RBM47: variants seen among roughly 807,000 people sequenced by gnomAD.
RBM47 encodes the protein RNA binding motif protein 47.
In RBM47, 21 loss-of-function variants were observed where a neutral mutation model predicts 47.1. The ratio of observed to expected loss-of-function variants is 0.45; its 90% confidence interval spans 0.32 to 0.64. The LOEUF (loss-of-function observed/expected upper bound fraction) is 0.64. RBM47 is among the 30% of genes least tolerant of loss of function. The pLI is 0.05. For missense variants in RBM47, 708 were observed against 870.9 expected, an observed-to-expected ratio of 0.81 and a Z score of 2.35; for synonymous variants, 375 against 361.7, an observed-to-expected ratio of 1.04 and a Z score of -0.42.
chr4:40,464,320 T>C (rs1717628193), intron 3 of RBM47, among the ~76,000 whole-genome samples: 1 of 152,314 alleles, frequency 6.6e-6, no homozygotes, highest in Non-Finnish European at 1.5e-5. Context: ...CCTCTGATAG[T>C]AATGAACCCT....
At chr4:40,447,542 G>C (rs75032778) in intron 3 of RBM47, among the ~76,000 whole-genome samples, 3,958 of 152,278 alleles carry the variant, frequency 0.026, 171 homozygotes, top group African/African-American at 0.09. Context: ...ACATACCAGT[G>C]TTTACCTAGG....
At chr4:40,555,658 A>C (rs114680524) in intron 1 of RBM47, among the ~76,000 whole-genome samples, 4,037 of 152,372 alleles carry the variant, frequency 0.026, 87 homozygotes, top group Middle Eastern at 0.071. Context: ...TGGCAACGCT[A>C]GGACTGCAAT....
chr4:40,549,119 G>C (rs963192662), intron 1 of RBM47, among the ~76,000 whole-genome samples: 1 of 150,538 alleles, frequency 6.6e-6, no homozygotes, highest in African/African-American at 2.5e-5. Context: ...TGGGGGGGGG[G>C]ACACAGAGCC....
At chr4:40,480,979 T>G (rs951287261) in intron 2 of RBM47, among the ~76,000 whole-genome samples, 1 of 152,054 alleles carries the variant, frequency 6.6e-6, no homozygotes, top group Non-Finnish European at 1.5e-5. Context: ...ATTGTCATAA[T>G]ATGAAAAGTA....
At chr4:40,593,725 A>G (rs1360809095) in intron 1 of RBM47, among the ~76,000 whole-genome samples, 1 of 152,134 alleles carries the variant, frequency 6.6e-6, no homozygotes, top group East Asian at 1.9e-4. Flanking sequence ...CTAAAAATAC[A>G]AAAACAAAAT....
intron 2 of RBM47, among the ~76,000 whole-genome samples, chr4:40,483,701 A>G (rs1720723201): frequency 6.7e-6 from 1 of 149,752 alleles, no homozygotes; most frequent in Admixed American, 6.6e-5. Flanking sequence ...ATCTCAAAAG[A>G]ACAAAAATAC....
At chr4:40,463,442 C>T (rs907633069) in intron 3 of RBM47, among the ~76,000 whole-genome samples, 1 of 152,172 alleles carries the variant, frequency 6.6e-6, no homozygotes, top group Non-Finnish European at 1.5e-5. Flanking sequence ...AATGGTGCAG[C>T]TTCTGTGGGA....
intron 3 of RBM47, among the ~76,000 whole-genome samples, chr4:40,442,393 A>G (rs954319175): frequency 2.0e-5 from 3 of 152,220 alleles, no homozygotes; most frequent in Admixed American, 2.0e-4. Flanking sequence ...AAGGACGTGG[A>G]GAAATTGAAA....
At chr4:40,573,378 T>C (rs1406063495) in intron 1 of RBM47, among the ~76,000 whole-genome samples, 1 of 151,868 alleles carries the variant, frequency 6.6e-6, no homozygotes, top group East Asian at 1.9e-4. Context: ...GCTTAAAATT[T>C]GTTCAAATAA....
chr4:40,494,535 T>C (rs1722318019), intron 2 of RBM47, among the ~76,000 whole-genome samples: 1 of 152,156 alleles, frequency 6.6e-6, no homozygotes, highest in African/African-American at 2.4e-5. Context: ...GAACAAGGTG[T>C]CATTCAGCTT....
At chr4:40,609,194 A>G (rs1309606772) in intron 1 of RBM47, among the ~76,000 whole-genome samples, 1 of 151,944 alleles carries the variant, frequency 6.6e-6, no homozygotes, top group Non-Finnish European at 1.5e-5. Flanking sequence ...GGGTTTAGCC[A>G]TGTTGACCAG....
rs1177127352 is a variant in RBM47 at position 40,535,371 on chromosome 4, C to CTT, written c.-155+9049_-155+9050dup. On this transcript the variant is annotated intron_variant, in intron 2 of 6. Transcript: ENST00000295971. Reference sequence around the variant, plus strand: ...TTCATACCAGCCTGGTATGGTATTTCTTTTTTTTTTTTTTTTTTTGAGACG... The same window carrying CTT: ...TTCATACCAGCCTGGTATGGTATTTCTTTTTTTTTTTTTTTTTTTTTGAGACG... 4.0e-4 allele frequency among the ~76,000 whole-genome samples: 41 copies of CTT among 103,426 alleles called. 3 individuals are homozygous for CTT. Among genetic ancestry groups the CTT allele is most frequent in the African/African-American group, 1.1e-3 (25 of 23,094 alleles). The allele number at this position is 103,426 out of a possible 152,430, so 67.9% of individuals were successfully genotyped here. A position where few individuals can be genotyped will look rare whatever the true frequency, so the allele number is the denominator to read the frequency against.
chr4:40,555,739 A>C (rs1428812851), intron 1 of RBM47, among the ~76,000 whole-genome samples: 1 of 152,206 alleles, frequency 6.6e-6, no homozygotes, highest in African/African-American at 2.4e-5. Context: ...AATGATGGGA[A>C]TGTGATCTGA....
intron 3 of RBM47, among the ~76,000 whole-genome samples, chr4:40,449,713 C>G (rs1010337050): frequency 6.6e-6 from 1 of 152,156 alleles, no homozygotes. Context: ...GAATCTCATT[C>G]TGTCGCCCAG....
intron 2 of RBM47, among the ~76,000 whole-genome samples, chr4:40,477,620 G>A (rs560213415): frequency 4.8e-4 from 73 of 152,244 alleles, no homozygotes; most frequent in Non-Finnish European, 1.0e-3. Context: ...GTGTGTGCAC[G>A]TGTGCTCCTA....
intron 2 of RBM47, among the ~76,000 whole-genome samples, chr4:40,466,971 G>C (rs1718147118): frequency 6.6e-6 from 1 of 152,146 alleles, no homozygotes; most frequent in African/African-American, 2.4e-5. Flanking sequence ...ATTTGTGTTT[G>C]TCTCTATGCC....
At position 40,581,733 on chromosome 4, in the gene RBM47, A is replaced by AGTG. The variant is rs1553904749; in HGVS notation, c.-239-37228_-239-37227insCAC. 2.4e-3 allele frequency among the ~76,000 whole-genome samples: 364 copies of AGTG among 151,168 alleles called. 1 individual carries two copies. Among genetic ancestry groups the AGTG allele is most frequent in the Non-Finnish European group, 2.8e-3 (188 of 67,922 alleles). On this transcript the variant is annotated intron_variant, in intron 1 of 6. Coordinates refer to ENST00000295971, the MANE Select transcript of RBM47 (RefSeq NM_001098634.2). Reference sequence around the variant, plus strand: ...CCAGAGAGCCTTCAGGGTGTGTGTGAAGAGAGGCTGCAGCCCAGGTGTATG... The same window carrying AGTG: ...CCAGAGAGCCTTCAGGGTGTGTGTGAGTGAGAGAGGCTGCAGCCCAGGTGTATG...
In RBM47 at chr4:40,436,559, A is replaced by G. The variant is rs2307046; in HGVS notation, c.1212T>C (p.Gly404=). The change falls in exon 5 of 7, where the codon GGT becomes GGC. Residue 404 remains glycine, a synonymous_variant. Coordinates refer to ENST00000295971, the MANE Select transcript of RBM47 (RefSeq NM_001098634.2). ...CATGATATCGGCTATATATACCACG[A>G]CCAGCAGAATATCCCCCGAGGTAGG... is the stretch of plus-strand genomic sequence containing the variant. ...RGSYLGGYSA[G]RGIYSRYHEG... 0.87 allele frequency: 1,407,861 copies of G among 1,613,966 alleles called. 615,482 individuals carry two copies. The highest frequency in any genetic ancestry group is 0.89 in the South Asian group (80,815 of 91,078).
At chr4:40,572,719 T>C (rs1412705415) in intron 1 of RBM47, among the ~76,000 whole-genome samples, 3 of 151,910 alleles carry the variant, frequency 2.0e-5, no homozygotes, top group Non-Finnish European at 4.4e-5. Flanking sequence ...ACCTTATCTC[T>C]ATTTTTTAAA....
Sources: allele counts gnomAD v4.1 joint callset (sites outside exome capture counted in the v4.1 genomes callset), GRCh38; gene constraint gnomAD v4.1.1; transcripts MANE v1.5; gene names NCBI Gene and HGNC (gene_info 2026-07-23, HGNC 2026-07-21).